Variants in KMT5C observed in about 807,000 individuals in gnomAD.
The protein encoded by KMT5C is lysine methyltransferase 5C, also known as histone-lysine N-methyltransferase KMT5C.
KMT5C carries 16 observed loss-of-function variants against 38.2 expected under a neutral mutation model. The observed-to-expected ratio is 0.42, with a 90% CI of 0.28 to 0.64. The LOEUF is 0.64. KMT5C is among the 30% of genes least tolerant of loss of function. KMT5C has a pLI of 0.23. For missense variants in KMT5C, 598 were observed against 665.1 expected (o/e 0.90, Z 1.11); for synonymous variants, 291 against 279.0 (o/e 1.04, Z -0.43).
In KMT5C at chr19:55,347,015, T is replaced by C; in HGVS notation, c.955T>C (p.Trp319Arg). 1.4e-6 allele frequency: 2 copies of C among 1,413,932 alleles called. No homozygotes were observed. The highest frequency in any genetic ancestry group is 1.4e-5 in the African/African-American group (1 of 71,236). The allele number at this position is 1,413,932 out of a possible 1,614,324, so 87.6% of individuals were successfully genotyped here. The stretch of plus-strand genomic sequence containing the variant: ...CGCCCGCCCAGACACCTCACCCCTC[T>C]GGCTCCAGTGGCTGCCTCAGCCCCA... The part of the protein sequence containing the change: ...CSARPDTSPL[W>R]LQWLPQPQPR... Residue 319 changes from tryptophan (W) to arginine (R), a missense_variant, in exon 9 of 9, where the codon TGG (tryptophan) becomes CGG (arginine). Trp to Arg is a moderately radical substitution (Grantham distance 101). Around this residue, in one of 3 missense-constraint regions of KMT5C, gnomAD observed 326 missense variants for 298.1 expected, o/e 1.09. Coordinates refer to ENST00000255613, the MANE Select transcript of KMT5C (RefSeq NM_032701.4). This position sits in a 1 kb window ranked among gnomAD's most constrained non-coding sequence, Gnocchi z 4.6.
chr19:55,345,653 A>G (rs1300271395), intron 6 of KMT5C, among the ~76,000 whole-genome samples: 3 of 152,158 alleles, frequency 2.0e-5, no homozygotes, highest in Non-Finnish European at 2.9e-5. Context: ...GCCCCCTCCT[A>G]GACGGGGAAC....
At position 55,344,202 on chromosome 19, in the gene KMT5C, AAC is replaced by A. The variant is rs756024599; in HGVS notation, c.570+209_570+210del. ...ACGGTGAAACCCCATCTCTACTAAA[AAC>A]ACAAAAAATTAGTCGGGCGTGGTGG... On this transcript the variant is annotated intron_variant, in intron 6 of 8. Coordinates refer to ENST00000255613, the MANE Select transcript of KMT5C (RefSeq NM_032701.4). 1.8e-3 allele frequency: 886 copies of A among 486,848 alleles called. 1 individual carries two copies. Among genetic ancestry groups the A allele is most frequent in the Non-Finnish European group, 2.9e-3 (791 of 268,956 alleles). The allele number at this position is 486,848 out of a possible 1,614,324, so 30.2% of individuals were successfully genotyped here.
At chr19:55,345,558 G>C (rs1004833593) in intron 6 of KMT5C, among the ~76,000 whole-genome samples, 33 of 152,202 alleles carry the variant, frequency 2.2e-4, no homozygotes, top group African/African-American at 8.0e-4. Flanking sequence ...GGGGCCGTCA[G>C]GCAGGCAGGT....
chr19:55,341,073 G>A (rs1355566290), intron 1 of KMT5C, among the ~76,000 whole-genome samples: 1 of 152,258 alleles, frequency 6.6e-6, no homozygotes, highest in African/African-American at 2.4e-5. Flanking sequence ...GCGGGGACGA[G>A]GCTGGCCCTC....
At chr19:55,342,975 C>G in intron 4 of KMT5C, 124 bp downstream of exon 4, 1 of 677,374 alleles carries the variant, frequency 1.5e-6, no homozygotes, top group Non-Finnish European at 2.7e-6. Flanking sequence ...CTCCGGGCAT[C>G]CTAGGAAGGT....
Position 55,346,649 on chromosome 19 carries a change from G to C in KMT5C, c.857G>C (p.Cys286Ser). 4 of 1,576,640 alleles carry C rather than the reference G, an allele frequency of 2.5e-6. No homozygotes were observed. Among genetic ancestry groups the C allele is most frequent in the Non-Finnish European group, 3.4e-6 (4 of 1,162,134 alleles). Reference protein sequence around the residue: ...SRQGLLGPRACVHPSPLRRDP... With the variant: ...SRQGLLGPRASVHPSPLRRDP... ...CAGGGCCTGCTGGGCCCTCGGGCCTGCGTGCACCCATCCCCGCTGCGCCGG... is the reference window on the plus strand; with the variant it reads ...CAGGGCCTGCTGGGCCCTCGGGCCTCCGTGCACCCATCCCCGCTGCGCCGG... Residue 286 changes from cysteine (C) to serine (S), a missense_variant, in exon 8 of 9, where the codon TGC becomes TCC. By Grantham distance (112) the Cys-to-Ser change is moderately radical. Coordinates refer to ENST00000255613, the MANE Select transcript of KMT5C (RefSeq NM_032701.4).
At position 55,339,914 on chromosome 19, in the gene KMT5C, TGGC is replaced by T; in HGVS notation, c.-176_-174del. The T allele has an allele frequency of 6.5e-6, 1 of 153,932 alleles. No homozygotes were observed. The highest frequency in any genetic ancestry group is 1.4e-5 in the Non-Finnish European group (1 of 69,268). 9.5% of individuals were successfully genotyped at this position (153,932 alleles called of 1,614,324 possible). A position where few individuals can be genotyped will look rare whatever the true frequency, so the allele number is the denominator to read the frequency against. On this transcript the variant is annotated 5_prime_UTR_variant, in exon 1 of 9. Coordinates refer to ENST00000255613, the MANE Select transcript of KMT5C (RefSeq NM_032701.4). ...AGCCGAAGGAGGCTGTGGGAGGTGT[TGGC>T]GGCGGCGGCGCGGGCGCCTGAGGAG...
intron 7 of KMT5C, 27 bp from the exon 8 acceptor site, chr19:55,346,473 T>C: frequency 6.3e-7 from 1 of 1,592,944 alleles, no homozygotes; most frequent in Non-Finnish European, 8.5e-7. Context: ...CCACCCGGCC[T>C]CATCTCCCCT....
chr19:55,347,831 T>G lies in KMT5C; in HGVS notation c.*382T>G. On this transcript the variant is annotated 3_prime_UTR_variant, in exon 9 of 9. Coordinates refer to ENST00000255613, the MANE Select transcript of KMT5C (RefSeq NM_032701.4). The surrounding 1 kb of genome is among the most constrained non-coding windows in gnomAD (Gnocchi z 4.6). ...AGGCCTCAGGAGGAGGTGGAACTGA[T>G]GTAGGGGGTGGCACTCCCCAGAGAC... The G allele has an allele frequency of 4.8e-6, 1 of 206,496 alleles. No individual in the cohort carries two copies. The highest frequency in any genetic ancestry group is 9.6e-6 in the Non-Finnish European group (1 of 104,404). The allele number at this position is 206,496 out of a possible 1,614,324, so 12.8% of individuals were successfully genotyped here.
chr19:55,347,420 G>A lies in KMT5C; in HGVS notation c.1360G>A (p.Asp454Asn), dbSNP rs752256262. The part of the protein sequence containing the change: ...LRLVVSHGSI[D>N]LDVGGEEL ...GCTGGTGGTCAGCCACGGCTCCATC[G>A]ACCTGGATGTCGGCGGTGAAGAGCT... Residue 454 changes from aspartate to asparagine, a missense_variant, in exon 9 of 9, where the codon GAC becomes AAC. Coordinates refer to ENST00000255613, the MANE Select transcript of KMT5C (RefSeq NM_032701.4). This position sits in a 1 kb window ranked among gnomAD's most constrained non-coding sequence, Gnocchi z 4.6. 1.7e-5 allele frequency: 26 copies of A among 1,556,542 alleles called. No individual in the cohort carries two copies. Among genetic ancestry groups the A allele is most frequent in the East Asian group, 1.4e-4 (6 of 44,124 alleles).
chr19:55,342,133 C>A, intron 2 of KMT5C, 82 bp from the exon 3 acceptor site: 1 of 1,585,344 alleles, frequency 6.3e-7, no homozygotes, highest in Non-Finnish European at 8.6e-7. Context: ...TCTCCTTAGC[C>A]TGGTCCTCCC....
At position 55,339,878 on chromosome 19, in the gene KMT5C, T is replaced by G. The variant is rs2089537068; in HGVS notation, c.-223T>G. ...GAGCAGATGGGAGGTGCGGCGACAGTGTTTGACGAGAGCCGAAGGAGGCTG... is the reference window on the plus strand; with the variant it reads ...GAGCAGATGGGAGGTGCGGCGACAGGGTTTGACGAGAGCCGAAGGAGGCTG... On this transcript the variant is annotated 5_prime_UTR_variant, in exon 1 of 9. Coordinates refer to ENST00000255613, the MANE Select transcript of KMT5C (RefSeq NM_032701.4). 6.6e-6 allele frequency: 1 copy of G among 152,500 alleles called. No homozygotes were observed. Among genetic ancestry groups the G allele is most frequent in the African/African-American group, 2.4e-5 (1 of 41,222 alleles). The allele number at this position is 152,500 out of a possible 1,614,324, so 9.4% of individuals were successfully genotyped here. A position where few individuals can be genotyped will look rare whatever the true frequency, so the allele number is the denominator to read the frequency against.
rs554313152 is a variant in KMT5C, at chr19:55,345,076, C to T, written c.570+1079C>T. ...GGGGATGGAAACAAAAGGCGGCATT[C>T]GGAGAGGCTCTGCAGGGCCAGTGTG... On this transcript the variant is annotated intron_variant, in intron 6 of 8. Coordinates refer to ENST00000255613, the MANE Select transcript of KMT5C (RefSeq NM_032701.4). 16 of 456,024 alleles carry T rather than the reference C, an allele frequency of 3.5e-5. 1 individual carries two copies. The highest frequency in any genetic ancestry group is 2.2e-4 in the African/African-American group (11 of 50,168). The allele number at this position is 456,024 out of a possible 1,614,324, so 28.2% of individuals were successfully genotyped here.
In KMT5C at chr19:55,342,567, G is replaced by A; in HGVS notation, c.277-175G>A. 3 of 635,918 alleles carry A rather than the reference G, an allele frequency of 4.7e-6. No homozygotes were observed. The South Asian group carries it at 5.7e-5, about 12-fold the overall frequency. The allele number at this position is 635,918 out of a possible 1,614,324, so 39.4% of individuals were successfully genotyped here. On this transcript the variant is annotated intron_variant, in intron 3 of 8. Coordinates refer to ENST00000255613, the MANE Select transcript of KMT5C (RefSeq NM_032701.4). ...GAGAGGAGAGTTGGGGGGGCCCTCT[G>A]AGATGTAGTCCAACCTCTTCATTTG...
intron 3 of KMT5C, 62 bp downstream of exon 3, chr19:55,342,442 C>G (rs112696881): frequency 1.5e-6 from 2 of 1,316,662 alleles, no homozygotes; most frequent in Admixed American, 2.8e-5. Context: ...CGGGCCTGGT[C>G]CCGCCTGGCA....
In KMT5C at chr19:55,343,007, C is replaced by A; in HGVS notation, c.386+156C>A. On this transcript the variant is annotated intron_variant, in intron 4 of 8. Transcript: ENST00000255613. This position sits in a 1 kb window ranked among gnomAD's most constrained non-coding sequence, Gnocchi z 5.5. The stretch of plus-strand genomic sequence containing the variant: ...AGGTGGTGGGGCTAATCCCGGAAGA[C>A]CTTTGTGGCTACCGTGGTGCCGCTG... 1.6e-6 allele frequency: 1 copy of A among 618,410 alleles called. No homozygotes were observed. 38.3% of individuals were successfully genotyped at this position (618,410 alleles called of 1,614,324 possible).
chr19:55,347,326 C>T lies in KMT5C; in HGVS notation c.1266C>T (p.Thr422=), dbSNP rs1250842956. The T allele has an allele frequency of 3.8e-6, 6 of 1,575,742 alleles. No homozygotes were observed. The highest frequency in any genetic ancestry group is 5.2e-6 in the Non-Finnish European group (6 of 1,164,306). The change falls in exon 9 of 9, where the codon ACC becomes ACT. Residue 422 remains threonine, a synonymous_variant. Coordinates refer to ENST00000255613, the MANE Select transcript of KMT5C (RefSeq NM_032701.4). This position sits in a 1 kb window ranked among gnomAD's most constrained non-coding sequence, Gnocchi z 4.6. ...CAGCTACCCCAGCCCCTGCTGGGAC[C>T]CCAGGCCCCATCCTGATCCCGAAGC... ...APPATPAPAG[T]PGPILIPKQA... is the part of the protein sequence containing the mutation.
Position 55,347,118 on chromosome 19 carries a change from G to T in KMT5C, c.1058G>T (p.Arg353Leu). 6.5e-7 allele frequency: 1 copy of T among 1,547,480 alleles called. No individual in the cohort carries two copies. Among genetic ancestry groups the T allele is most frequent in the Non-Finnish European group, 8.7e-7 (1 of 1,153,746 alleles). The change falls in exon 9 of 9, where the codon CGC becomes CTC. Residue 353 changes from arginine to leucine, a missense_variant. Coordinates refer to ENST00000255613, the MANE Select transcript of KMT5C (RefSeq NM_032701.4). This position sits in a 1 kb window ranked among gnomAD's most constrained non-coding sequence, Gnocchi z 4.6. ...APVLSTHHAA[R>L]VSLHRWGGCG... ...GTGCTCTCCACCCACCACGCTGCCC[G>T]CGTCTCCCTGCACCGATGGGGAGGC...
At position 55,347,633 on chromosome 19, in the gene KMT5C, C is replaced by A; in HGVS notation, c.*184C>A. The stretch of plus-strand genomic sequence containing the variant: ...TCTGAGCCCTGACCCTTTGTGACTG[C>A]TGACCCCTGAGCCACCCCCACTCCC... On this transcript the variant is annotated 3_prime_UTR_variant, in exon 9 of 9. Coordinates refer to ENST00000255613, the MANE Select transcript of KMT5C (RefSeq NM_032701.4). This position sits in a 1 kb window ranked among gnomAD's most constrained non-coding sequence, Gnocchi z 4.6. The A allele has an allele frequency of 9.8e-7, 1 of 1,019,550 alleles. No homozygotes were observed. Among genetic ancestry groups the A allele is most frequent in the Non-Finnish European group, 1.3e-6 (1 of 750,758 alleles). The allele number at this position is 1,019,550 out of a possible 1,614,324, so 63.2% of individuals were successfully genotyped here.
Sources: gnomAD v4.1 joint callset for allele counts (sites outside exome capture counted in the v4.1 genomes callset) on GRCh38, gnomAD v4.1.1 for gene constraint, gnomAD v4.1.1 regional missense constraint, Gnocchi (gnomAD v3.1) non-coding constraint, MANE v1.5 for transcripts, NCBI Gene and HGNC (gene_info 2026-07-23, HGNC 2026-07-21) for gene names.